Variants in CDK19 observed in about 807,000 individuals in gnomAD.
CDK19 encodes cyclin dependent kinase 19, also known as cyclin-dependent kinase 19.
In CDK19, 20 loss-of-function variants were observed where a neutral mutation model predicts 68.3. That is an observed-to-expected ratio of 0.29 (90% CI 0.21 to 0.43). The LOEUF is 0.43. Among genes scored for constraint, CDK19 ranks in the 20% least tolerant of loss-of-function variants. The pLI is 1.00. For missense variants in CDK19, 339 were observed against 623.5 expected (o/e 0.54, Z 4.86); for synonymous variants, 221 against 222.8 (o/e 0.99, Z 0.07).
intron 2 of CDK19, among the ~76,000 whole-genome samples, chr6:110,688,041 C>T (rs1349064951): frequency 6.6e-6 from 1 of 152,052 alleles, no homozygotes; most frequent in Non-Finnish European, 1.5e-5. Context: ...TCACATACTT[C>T]GATACACTTC....
At chr6:110,641,176 T>C (rs1780136021) in intron 4 of CDK19, among the ~76,000 whole-genome samples, 1 of 152,126 alleles carries the variant, frequency 6.6e-6, no homozygotes, top group African/African-American at 2.4e-5. Flanking sequence ...AAAAACTATT[T>C]ATCAAAGGTC....
intron 1 of CDK19, among the ~76,000 whole-genome samples, chr6:110,762,566 G>C (rs189763553): frequency 6.6e-6 from 1 of 152,128 alleles, no homozygotes; most frequent in Admixed American, 6.6e-5. Context: ...TTTTGCACCT[G>C]TAAATTAAGA....
intron 4 of CDK19, among the ~76,000 whole-genome samples, chr6:110,652,869 G>A (rs1781059331): frequency 6.6e-6 from 1 of 152,162 alleles, no homozygotes; most frequent in Admixed American, 6.5e-5. Context: ...TCCATGTAAA[G>A]TCTGAGATGA....
At chr6:110,781,570 C>T (rs530694384) in intron 1 of CDK19, among the ~76,000 whole-genome samples, 1 of 152,216 alleles carries the variant, frequency 6.6e-6, no homozygotes, top group African/African-American at 2.4e-5. Context: ...GGGCTGGGTG[C>T]AGTGGCTCAC....
intron 2 of CDK19, among the ~76,000 whole-genome samples, chr6:110,728,333 A>G (rs1776500814): frequency 6.6e-6 from 1 of 151,672 alleles, no homozygotes; most frequent in Admixed American, 6.6e-5. Flanking sequence ...CATGCTATCT[A>G]TTAGAAGTCA....
At position 110,622,071 on chromosome 6, in the gene CDK19, T is replaced by C; in HGVS notation, c.1110+17A>G. On this transcript the variant is annotated intron_variant, in intron 11 of 12. Transcript: ENST00000368911. The stretch of plus-strand genomic sequence containing the variant: ...CCCTTGCTCTTTGGAAGTGAAAGTA[T>C]ACCGTGCAGTTTATACCTTGTCACC... 1 of 1,523,210 alleles carries C rather than the reference T, an allele frequency of 6.6e-7. No individual in the cohort carries two copies. Among genetic ancestry groups the C allele is most frequent in the Non-Finnish European group, 9.0e-7 (1 of 1,109,456 alleles). 94.4% of individuals were successfully genotyped at this position (1,523,210 alleles called of 1,614,324 possible). A position where few individuals can be genotyped will look rare whatever the true frequency, so the allele number is the denominator to read the frequency against.
intron 1 of CDK19, among the ~76,000 whole-genome samples, chr6:110,753,480 C>T (rs1350041993): frequency 6.6e-6 from 1 of 151,664 alleles, no homozygotes; most frequent in Non-Finnish European, 1.5e-5. Flanking sequence ...ACCTCCCAGA[C>T]TCAAGCAATC....
chr6:110,803,567 T>A (rs565453683), intron 1 of CDK19, among the ~76,000 whole-genome samples: 1 of 152,284 alleles, frequency 6.6e-6, no homozygotes, highest in African/African-American at 2.4e-5. Context: ...TCAAATTACA[T>A]AAAACCTTTC....
chr6:110,689,878 G>C (rs896003843), intron 2 of CDK19, among the ~76,000 whole-genome samples: 4 of 152,154 alleles, frequency 2.6e-5, no homozygotes, highest in African/African-American at 9.7e-5. Flanking sequence ...CTGGCTCTCA[G>C]GGACTCCTAC....
At chr6:110,704,019 GAAT>G (rs1157344065) in intron 2 of CDK19, among the ~76,000 whole-genome samples, 1 of 152,148 alleles carries the variant, frequency 6.6e-6, no homozygotes, top group East Asian at 1.9e-4. Flanking sequence ...GAAAATTCCA[GAAT>G]ATTGACAGAA....
intron 8 of CDK19, 143 bp from the exon 9 acceptor site, chr6:110,623,505 A>G: frequency 9.1e-7 from 1 of 1,097,842 alleles, no homozygotes; most frequent in Non-Finnish European, 1.3e-6. Flanking sequence ...ACATTACCAA[A>G]TATTAGCAAA....
At chr6:110,666,857 A>G (rs537426353) in intron 4 of CDK19, among the ~76,000 whole-genome samples, 1 of 152,334 alleles carries the variant, frequency 6.6e-6, no homozygotes, top group African/African-American at 2.4e-5. Context: ...GTGAAGATGA[A>G]TATCTAGCAA....
chr6:110,718,772 A>T (rs905991483), intron 2 of CDK19, among the ~76,000 whole-genome samples: 1 of 152,212 alleles, frequency 6.6e-6, no homozygotes, highest in Non-Finnish European at 1.5e-5. Flanking sequence ...TGAAAGAATC[A>T]CTAAAAGATA....
At chr6:110,741,929 G>T (rs1364216388) in intron 2 of CDK19, among the ~76,000 whole-genome samples, 3 of 152,042 alleles carry the variant, frequency 2.0e-5, no homozygotes, top group African/African-American at 7.2e-5. Flanking sequence ...AATACTAACA[G>T]GAGGCTTTCA....
chr6:110,646,574 G>A, intron 4 of CDK19: 1 of 918,054 alleles, frequency 1.1e-6, no homozygotes, highest in Non-Finnish European at 1.5e-6. Context: ...GCCACCTGCA[G>A]GGGGTCAACC....
chr6:110,651,619 T>C (rs1181103647), intron 4 of CDK19, among the ~76,000 whole-genome samples: 2 of 152,168 alleles, frequency 1.3e-5, no homozygotes, highest in Non-Finnish European at 2.9e-5. Context: ...ATTTTAATAT[T>C]TTTACAACTA....
chr6:110,670,370 A>G, intron 3 of CDK19, 61 bp downstream of exon 3: 1 of 841,550 alleles, frequency 1.2e-6, no homozygotes. Flanking sequence ...TATGTATTTT[A>G]TATAAATATG....
At chr6:110,662,301 G>A (rs1781669639) in intron 4 of CDK19, among the ~76,000 whole-genome samples, 1 of 152,024 alleles carries the variant, frequency 6.6e-6, no homozygotes, top group Non-Finnish European at 1.5e-5. Context: ...ACAGACCTAA[G>A]GTTGAGACCC....
chr6:110,663,254 AAAACT>A (rs1463993484), intron 4 of CDK19, among the ~76,000 whole-genome samples: 1 of 152,254 alleles, frequency 6.6e-6, no homozygotes, highest in East Asian at 1.9e-4. Flanking sequence ...TAAGAAAAAC[AAAACT>A]AGTCACTGAC....
Sources: gnomAD v4.1 joint callset for allele counts (sites outside exome capture counted in the v4.1 genomes callset) on GRCh38, gnomAD v4.1.1 for gene constraint, MANE v1.5 for transcripts, NCBI Gene and HGNC (gene_info 2026-07-23, HGNC 2026-07-21) for gene names.